GORASP2: variants seen among roughly 807,000 people sequenced by gnomAD.
The protein encoded by GORASP2 is Golgi reassembly-stacking protein 2.
A neutral mutation model predicts 45.7 loss-of-function variants in GORASP2; 22 were observed. That is an observed-to-expected ratio of 0.48 (90% confidence interval 0.34 to 0.69). The LOEUF (loss-of-function observed/expected upper bound fraction) is 0.69. Among genes scored for constraint, GORASP2 ranks in the 30% least tolerant of loss-of-function variants. GORASP2 has a pLI of 0.01. For synonymous variants in GORASP2, 221 were observed against 215.6 expected, an observed-to-expected ratio of 1.02 and a Z score of -0.22; for missense variants, 491 against 562.7, an observed-to-expected ratio of 0.87 and a Z score of 1.29.
Position 170,966,508 on chromosome 2 carries a change from AC to A in GORASP2, c.*379del, listed in dbSNP as rs1312383803. 2.7e-5 allele frequency: 7 copies of A among 259,916 alleles called. No individual in the cohort carries two copies. Among genetic ancestry groups the A allele is most frequent in the African/African-American group, 1.4e-4 (6 of 43,842 alleles). The allele number at this position is 259,916 out of a possible 1,614,324, so 16.1% of individuals were successfully genotyped here. ...ATGAAATATTCTATGCCTAATACTC[AC>A]ACGCAACATTTCTTGTACTTTGTAA... On this transcript the variant is annotated 3_prime_UTR_variant, in exon 10 of 10. Transcript: ENST00000234160.
intron 1 of GORASP2, 107 bp from the exon 2 acceptor site, chr2:170,948,243 A>G: frequency 7.0e-6 from 5 of 714,406 alleles, no homozygotes; most frequent in Non-Finnish European, 1.3e-5. Context: ...CGTGTACTGT[A>G]TTTCATTATC....
At chr2:170,940,320 A>G (rs138497475) in intron 1 of GORASP2, among the ~76,000 whole-genome samples, 21 of 152,304 alleles carry the variant, frequency 1.4e-4, no homozygotes, top group African/African-American at 5.1e-4. Flanking sequence ...AGCTGAAGGT[A>G]TGTAAGTCAG....
intron 1 of GORASP2, among the ~76,000 whole-genome samples, chr2:170,940,766 T>C (rs997629318): frequency 1.3e-5 from 2 of 152,146 alleles, no homozygotes; most frequent in African/African-American, 2.4e-5. Context: ...TTGCAACCAG[T>C]ACATACTACA....
intron 5 of GORASP2, chr2:170,951,721 T>G: frequency 2.0e-5 from 4 of 203,360 alleles, no homozygotes; most frequent in East Asian, 1.1e-4. Context: ...TTATTGCGCA[T>G]AAGCCATAAT....
intron 1 of GORASP2, among the ~76,000 whole-genome samples, chr2:170,947,713 A>G (rs1225400832): frequency 6.6e-6 from 1 of 152,162 alleles, no homozygotes; most frequent in Non-Finnish European, 1.5e-5. Flanking sequence ...TTGTCACTTA[A>G]TTGTAGTGAC....
intron 1 of GORASP2, chr2:170,929,732 C>A (rs1703772398): frequency 1.8e-6 from 1 of 555,240 alleles, no homozygotes; most frequent in African/African-American, 1.9e-5. Flanking sequence ...CACCCCCCCT[C>A]ATTTTTAGCT....
chr2:170,959,208 C>T (rs1368689833), intron 7 of GORASP2, among the ~76,000 whole-genome samples: 4 of 152,054 alleles, frequency 2.6e-5, no homozygotes, highest in African/African-American at 9.7e-5. Context: ...GTGATTCACC[C>T]GCCTCAGCCT....
chr2:170,952,807 C>G (rs1360277900), intron 5 of GORASP2, among the ~76,000 whole-genome samples: 1 of 152,150 alleles, frequency 6.6e-6, no homozygotes, highest in African/African-American at 2.4e-5. Context: ...TCCTGAGTAC[C>G]TGGGACTACA....
At chr2:170,963,887 T>C (rs1014543459) in intron 9 of GORASP2, among the ~76,000 whole-genome samples, 2 of 152,158 alleles carry the variant, frequency 1.3e-5, no homozygotes, top group Non-Finnish European at 2.9e-5. Flanking sequence ...TCAAGCAATC[T>C]TCCTGCTTTG....
chr2:170,957,573 G>C (rs1351353537), intron 7 of GORASP2, among the ~76,000 whole-genome samples: 1 of 152,216 alleles, frequency 6.6e-6, no homozygotes, highest in African/African-American at 2.4e-5. Context: ...ACTGCACCCA[G>C]CCTCCTTCCT....
Position 170,929,360 on chromosome 2 carries a change from T to C in GORASP2, c.20T>C (p.Val7Ala). 7.1e-7 allele frequency: 1 copy of C among 1,402,892 alleles called. No homozygotes were observed. Among genetic ancestry groups the C allele is most frequent in the Non-Finnish European group, 9.3e-7 (1 of 1,077,244 alleles). 86.9% of individuals were successfully genotyped at this position (1,402,892 alleles called of 1,614,324 possible). Residue 7 changes from valine to alanine, a missense_variant, in exon 1 of 10, where the codon GTC becomes GCC. Val to Ala is a moderately conservative substitution (Grantham distance 64, BLOSUM62 0). This residue lies in a region of GORASP2 where 194 missense variants were observed against 270.4 expected (regional missense o/e 0.72). Coordinates refer to ENST00000234160, the MANE Select transcript of GORASP2 (RefSeq NM_015530.5). ...GCCGCCATGGGCTCCTCGCAAAGCGTCGAGATCCCGGGCGGGGGCACCGAG... is the reference window on the plus strand; with the variant it reads ...GCCGCCATGGGCTCCTCGCAAAGCGCCGAGATCCCGGGCGGGGGCACCGAG... MGSSQS[V>A]EIPGGGTEGY...
intron 9 of GORASP2, among the ~76,000 whole-genome samples, chr2:170,963,470 T>TCCCCCCCCC (rs1251788180): frequency 3.0e-5 from 2 of 66,490 alleles, no homozygotes; most frequent in African/African-American, 1.3e-4. Context: ...CTCCTCCTCC[T>TCCCCCCCCC]CCCCCTCCTC....
Position 170,929,353 on chromosome 2 carries a change from CA to C in GORASP2, c.16del (p.Ser6AlafsTer43). On this transcript the variant is annotated frameshift_variant, in exon 1 of 10. Transcript: ENST00000234160. LOFTEE classifies it high-confidence loss of function. MGSS[Q>X]SVEIPGGGTE... ...ATCGCCCGCCGCCATGGGCTCCTCGCAAAGCGTCGAGATCCCGGGCGGGGGC... is the reference window on the plus strand; with the variant it reads ...ATCGCCCGCCGCCATGGGCTCCTCGCAAGCGTCGAGATCCCGGGCGGGGGC... The C allele has an allele frequency of 7.2e-7, 1 of 1,397,208 alleles. No homozygotes were observed. The highest frequency in any genetic ancestry group is 9.3e-7 in the Non-Finnish European group (1 of 1,075,336). The allele number at this position is 1,397,208 out of a possible 1,614,324, so 86.6% of individuals were successfully genotyped here.
chr2:170,937,258 G>A (rs1308209974), intron 1 of GORASP2, among the ~76,000 whole-genome samples: 2 of 152,144 alleles, frequency 1.3e-5, no homozygotes, highest in Non-Finnish European at 2.9e-5. Context: ...GCCCAGGCTG[G>A]AGTGCAGTGT....
Position 170,966,043 on chromosome 2 carries a change from C to T in GORASP2, c.1272C>T (p.Thr424=), listed in dbSNP as rs377628337. ...VTPPTAKAPT[T]VEDRVGDSTP... is the part of the protein sequence containing the mutation. ...CCCCCACTGCCAAGGCCCCCACCAC[C>T]GTTGAGGACAGAGTCGGCGACTCCA... is the stretch of plus-strand genomic sequence containing the variant. Residue 424 remains threonine, a synonymous_variant, in exon 10 of 10, where the codon ACC becomes ACT. Coordinates refer to ENST00000234160, the MANE Select transcript of GORASP2 (RefSeq NM_015530.5). 29 of 1,613,828 alleles carry T rather than the reference C, an allele frequency of 1.8e-5. No individual in the cohort carries two copies. The highest frequency in any genetic ancestry group is 3.3e-5 in the Admixed American group (2 of 60,000).
In GORASP2 at chr2:170,966,098, G is replaced by A. The variant is rs1575482718; in HGVS notation, c.1327G>A (p.Ala443Thr). The A allele has an allele frequency of 6.2e-7, 1 of 1,613,984 alleles. No homozygotes were observed. The highest frequency in any genetic ancestry group is 8.5e-7 in the Non-Finnish European group (1 of 1,179,848). Residue 443 changes from alanine (A) to threonine (T), a missense_variant, in exon 10 of 10, where the codon GCT becomes ACT. This residue lies in a region of GORASP2 where 297 missense variants were observed against 292.3 expected (regional missense o/e 1.02). Coordinates refer to ENST00000234160, the MANE Select transcript of GORASP2 (RefSeq NM_015530.5). The stretch of plus-strand genomic sequence containing the variant: ...AGTCAGCGAGAAGCCTGTTTCTGCG[G>A]CTGTGGATGCCAATGCTTCTGAGTC... ...TPVSEKPVSA[A>T]VDANASESP
chr2:170,929,654 C>T, intron 1 of GORASP2: 2 of 611,304 alleles, frequency 3.3e-6, no homozygotes, highest in South Asian at 3.4e-5. Context: ...GCCGGCGACT[C>T]GGCCAGGGGG....
At position 170,929,318 on chromosome 2, in the gene GORASP2, G is replaced by T; in HGVS notation, c.-23G>T. 2 of 1,355,030 alleles carry T rather than the reference G, an allele frequency of 1.5e-6. No homozygotes were observed. Among genetic ancestry groups the T allele is most frequent in the South Asian group, 3.7e-5 (2 of 54,586 alleles). The allele number at this position is 1,355,030 out of a possible 1,614,324, so 83.9% of individuals were successfully genotyped here. A position where few individuals can be genotyped will look rare whatever the true frequency, so the allele number is the denominator to read the frequency against. On this transcript the variant is annotated 5_prime_UTR_variant, in exon 1 of 10. Coordinates refer to ENST00000234160, the MANE Select transcript of GORASP2 (RefSeq NM_015530.5). ...GCGGGAGCAGCGCGGAGCCCGGCTCGGCCACACCGATCGCCCGCCGCCATG... is the reference window on the plus strand; with the variant it reads ...GCGGGAGCAGCGCGGAGCCCGGCTCTGCCACACCGATCGCCCGCCGCCATG...
At position 170,951,515 on chromosome 2, in the gene GORASP2, TG is replaced by T. The variant is rs573585735; in HGVS notation, c.566+58del. On this transcript the variant is annotated intron_variant, in intron 5 of 9. Transcript: ENST00000234160. ...GCTTAAACATACCAGTCAGATATGT[TG>T]CAGACATTGATTGTTTTTATTTTGA... The T allele has an allele frequency of 2.3e-3, 2,974 of 1,283,106 alleles. 4 individuals carry two copies. The highest frequency in any genetic ancestry group is 2.8e-3 in the Non-Finnish European group (2,598 of 920,834). 79.5% of individuals were successfully genotyped at this position (1,283,106 alleles called of 1,614,324 possible).
Sources: allele counts gnomAD v4.1 joint callset (sites outside exome capture counted in the v4.1 genomes callset), GRCh38; gene constraint gnomAD v4.1.1; regional missense constraint gnomAD v4.1.1; transcripts MANE v1.5; gene names NCBI Gene and HGNC (gene_info 2026-07-23, HGNC 2026-07-21).